SLC9A9: variants seen among roughly 807,000 people sequenced by gnomAD.
The protein encoded by SLC9A9 is sodium/hydrogen exchanger 9.
In SLC9A9, 62 loss-of-function variants were observed where a neutral mutation model predicts 77.8. The observed-to-expected ratio is 0.80, with a 90% CI of 0.65 to 0.98. The LOEUF (loss-of-function observed/expected upper bound fraction) is 0.98. Among genes scored for constraint, SLC9A9 ranks in the 50% least tolerant of loss-of-function variants. The pLI is 0.00. For missense variants in SLC9A9, 775 were observed against 774.9 expected (o/e 1.00, Z 0.00); for synonymous variants, 320 against 283.5 (o/e 1.13, Z -1.29).
At chr3:143,448,428 G>A (rs2034884060) in intron 12 of SLC9A9, among the ~76,000 whole-genome samples, 2 of 152,020 alleles carry the variant, frequency 1.3e-5, no homozygotes, top group South Asian at 2.1e-4. Context: ...TACTGAATGA[G>A]GAAAAAGGAA....
At chr3:143,709,168 T>A (rs529800708) in intron 4 of SLC9A9, among the ~76,000 whole-genome samples, 71 of 152,292 alleles carry the variant, frequency 4.7e-4, no homozygotes, top group Non-Finnish European at 8.5e-4. Context: ...ATTGCTATAT[T>A]GTATAATTTA....
intron 4 of SLC9A9, among the ~76,000 whole-genome samples, chr3:143,766,831 C>T (rs1048295540): frequency 6.6e-6 from 1 of 152,198 alleles, no homozygotes; most frequent in African/African-American, 2.4e-5. Flanking sequence ...GCCTTGGCCT[C>T]CCAAAGTGCT....
At chr3:143,325,249 C>T (rs541823079) in intron 14 of SLC9A9, among the ~76,000 whole-genome samples, 67 of 152,286 alleles carry the variant, frequency 4.4e-4, no homozygotes, top group African/African-American at 1.5e-3. Context: ...ACAGTTCATA[C>T]AAGGACTGAA....
intron 14 of SLC9A9, among the ~76,000 whole-genome samples, chr3:143,320,399 G>T (rs998859930): frequency 2.0e-5 from 3 of 152,218 alleles, no homozygotes; most frequent in African/African-American, 7.2e-5. Flanking sequence ...TTGCTATAAA[G>T]AAATACCTGA....
intron 4 of SLC9A9, among the ~76,000 whole-genome samples, chr3:143,769,566 A>G (rs1306132937): frequency 6.6e-6 from 1 of 152,122 alleles, no homozygotes; most frequent in East Asian, 1.9e-4. Context: ...CTCTTTTGCT[A>G]TTTTCTAAGA....
At chr3:143,676,262 G>C (rs1479867203) in intron 5 of SLC9A9, among the ~76,000 whole-genome samples, 2 of 152,044 alleles carry the variant, frequency 1.3e-5, no homozygotes, top group African/African-American at 4.8e-5. Context: ...CTGTGGCCCG[G>C]GAGGCTGGGG....
intron 14 of SLC9A9, among the ~76,000 whole-genome samples, chr3:143,355,630 G>A (rs1228112307): frequency 6.6e-6 from 1 of 152,160 alleles, no homozygotes; most frequent in Non-Finnish European, 1.5e-5. Context: ...CCATAGATGT[G>A]TTCCTGAAAA....
intron 12 of SLC9A9, among the ~76,000 whole-genome samples, chr3:143,439,029 G>A (rs2034676180): frequency 6.6e-6 from 1 of 152,142 alleles, no homozygotes; most frequent in South Asian, 2.1e-4. Flanking sequence ...TCTACTTCAT[G>A]CCCAGCTGCA....
At position 143,773,438 on chromosome 3, in the gene SLC9A9, T is replaced by A. The variant is rs77327820; in HGVS notation, c.533+21563A>T. Among the ~76,000 whole-genome samples the A allele has an allele frequency of 8.1e-3, 1,240 of 152,192 alleles. 17 individuals are homozygous for A. The highest frequency in any genetic ancestry group is 0.029 in the African/African-American group (1,193 of 41,526). On this transcript the variant is annotated intron_variant, in intron 4 of 15. Transcript: ENST00000316549. ...TTTTAGTATTTGTTAACTTTGTTTT[T>A]AATATAATTTATATGTTGGTATGTT...
rs918907967 is a variant in SLC9A9, at chr3:143,578,650, T to A, written c.829A>T (p.Asn277Tyr). 6 of 1,613,932 alleles carry A rather than the reference T, an allele frequency of 3.7e-6. No homozygotes were observed. In the Admixed American group the frequency reaches 1.0e-4, roughly 27 times the overall value. Residue 277 changes from asparagine to tyrosine, a missense_variant, in exon 7 of 16, where the codon AAT (asparagine) becomes TAT (tyrosine). Asn to Tyr is a moderately radical substitution (Grantham distance 143, BLOSUM62 -2). Transcript: ENST00000316549. The part of the protein sequence containing the change: ...DAAAFFQSVG[N>Y]FLGIFAGSFA... Reference sequence around the variant, plus strand: ...GAGCCAGCGAAGATTCCCAGGAAATTCCCCACAGACTGGAAGAATGCTGCG... The same window carrying A: ...GAGCCAGCGAAGATTCCCAGGAAATACCCCACAGACTGGAAGAATGCTGCG...
intron 9 of SLC9A9, chr3:143,517,212 G>C (rs2036215379): frequency 7.6e-7 from 1 of 1,311,934 alleles, no homozygotes; most frequent in Admixed American, 1.7e-5. Flanking sequence ...GCTGGGTTCT[G>C]AGCCACATCC....
In SLC9A9 at chr3:143,467,110, G is replaced by A; in HGVS notation, c.1396C>T (p.Leu466=). The A allele has an allele frequency of 6.2e-7, 1 of 1,614,170 alleles. No homozygotes were observed. Among genetic ancestry groups the A allele is most frequent in the East Asian group, 2.2e-5 (1 of 44,856 alleles). ...CAGACAGTGAAGAACACGAGGAGCA[G>A]CGTAGTGGTAAACATCATTTGTTTG... ...QPKQMMFTTT[L]LLVFFTVWVF... The change falls in exon 12 of 16, where the codon CTG becomes TTG. Residue 466 remains leucine, a synonymous_variant. Transcript: ENST00000316549.
chr3:143,273,376 AT>A (rs1218187412), intron 14 of SLC9A9, among the ~76,000 whole-genome samples: 23 of 152,268 alleles, frequency 1.5e-4, no homozygotes, highest in African/African-American at 5.3e-4. Flanking sequence ...TGGGGCCCTT[AT>A]GATGGAATTA....
At chr3:143,374,442 A>G (rs990431278) in intron 13 of SLC9A9, among the ~76,000 whole-genome samples, 4 of 150,194 alleles carry the variant, frequency 2.7e-5, no homozygotes, top group African/African-American at 4.9e-5. Flanking sequence ...AAAAAAAAAA[A>G]AAAAGAAAAA....
At chr3:143,499,249 G>A (rs751994953) in intron 9 of SLC9A9, among the ~76,000 whole-genome samples, 113 of 152,100 alleles carry the variant, frequency 7.4e-4, no homozygotes, top group African/African-American at 2.4e-3. Flanking sequence ...AGATAAATTC[G>A]GATAAAATGC....
chr3:143,777,807 C>T (rs767261889), intron 4 of SLC9A9, among the ~76,000 whole-genome samples: 13 of 151,084 alleles, frequency 8.6e-5, no homozygotes, highest in African/African-American at 2.2e-4. Context: ...CTCAGCCTCC[C>T]GGGTTCAAGC....
At chr3:143,619,768 C>T (rs1559996743) in intron 6 of SLC9A9, among the ~76,000 whole-genome samples, 1 of 152,218 alleles carries the variant, frequency 6.6e-6, no homozygotes, top group Non-Finnish European at 1.5e-5. Context: ...TAAGCATACC[C>T]TTTTCTTTCT....
chr3:143,594,950 G>T (rs1265517187), intron 6 of SLC9A9, among the ~76,000 whole-genome samples: 3 of 152,178 alleles, frequency 2.0e-5, no homozygotes, highest in Non-Finnish European at 4.4e-5. Flanking sequence ...AAATTGTACA[G>T]ATAATTAAAA....
chr3:143,393,541 C>T (rs950339415), intron 12 of SLC9A9, among the ~76,000 whole-genome samples: 2 of 152,042 alleles, frequency 1.3e-5, no homozygotes, highest in Non-Finnish European at 2.9e-5. Flanking sequence ...ATTAAAAGAA[C>T]TAGAGAAGCA....
Sources: gnomAD v4.1 joint callset for allele counts (sites outside exome capture counted in the v4.1 genomes callset) on GRCh38, gnomAD v4.1.1 for gene constraint, MANE v1.5 for transcripts, NCBI Gene and HGNC (gene_info 2026-07-23, HGNC 2026-07-21) for gene names.